TGFA: variants seen among roughly 807,000 people sequenced by gnomAD.
The protein encoded by TGFA is protransforming growth factor alpha.
Under a neutral mutation model 21.7 loss-of-function variants are expected in TGFA, and 12 were observed. That is an observed-to-expected ratio of 0.55 (90% confidence interval 0.35 to 0.90). The LOEUF (loss-of-function observed/expected upper bound fraction) is 0.90. Ranked by LOEUF, TGFA falls within the 40% of genes least tolerant of loss-of-function variation. The pLI is 0.01. For synonymous variants in TGFA, 79 were observed against 88.1 expected (o/e 0.90, Z 0.58); for missense variants, 178 against 210.8 (o/e 0.84, Z 0.96).
At chr2:70,504,465 C>CATATATATATATATAT (rs1559124076) in intron 2 of TGFA, among the ~76,000 whole-genome samples, 15 of 62,544 alleles carry the variant, frequency 2.4e-4, no homozygotes, top group Non-Finnish European at 4.9e-4. Flanking sequence ...TATATATATA[C>CATATATATATATATAT]ACACATACAT....
At chr2:70,473,811 C>T (rs1553493720) in intron 2 of TGFA, among the ~76,000 whole-genome samples, 1 of 151,906 alleles carries the variant, frequency 6.6e-6, no homozygotes, top group African/African-American at 2.4e-5. Flanking sequence ...CCTGCAGTAC[C>T]ATCATTTAAG....
chr2:70,487,469 TAC>T (rs1291959627), intron 2 of TGFA, among the ~76,000 whole-genome samples: 2 of 152,244 alleles, frequency 1.3e-5, no homozygotes, highest in Non-Finnish European at 2.9e-5. Flanking sequence ...ATATACCTTA[TAC>T]ACATATCTTG....
At chr2:70,454,785 G>A (rs1006425396) in intron 4 of TGFA, among the ~76,000 whole-genome samples, 1 of 152,242 alleles carries the variant, frequency 6.6e-6, no homozygotes, top group Admixed American at 6.5e-5. Flanking sequence ...GGACACAGGA[G>A]TTGGGACTGG....
At position 70,519,101 on chromosome 2, in the gene TGFA, G is replaced by A. The variant is rs557075228; in HGVS notation, c.41-4189C>T. 2.6e-5 allele frequency among the ~76,000 whole-genome samples: 4 copies of A among 152,288 alleles called. No homozygotes were observed. In the East Asian group the frequency reaches 7.7e-4, roughly 29 times the overall value. ...TTTGGATGAAGAACACGCTCAGGGC[G>A]GGAGGATAGGAATTGTGCTAGAGGG... On this transcript the variant is annotated intron_variant, in intron 1 of 5. Coordinates refer to ENST00000295400, the MANE Select transcript of TGFA (RefSeq NM_003236.4).
chr2:70,553,781 G>T lies in TGFA; in HGVS notation c.-14C>A, dbSNP rs1199546966. On this transcript the variant is annotated 5_prime_UTR_variant, in exon 1 of 6. Transcript: ENST00000295400. ...CGAGGGGACCATTTTACGGGCGGGCGGGCAGCAGGCTCTCCAGCCTCCTGC... is the reference window on the plus strand; with the variant it reads ...CGAGGGGACCATTTTACGGGCGGGCTGGCAGCAGGCTCTCCAGCCTCCTGC... 6 of 1,276,504 alleles carry T rather than the reference G, an allele frequency of 4.7e-6. No individual in the cohort carries two copies. Among genetic ancestry groups the T allele is most frequent in the Admixed American group, 7.8e-5 (2 of 25,546 alleles). The allele number at this position is 1,276,504 out of a possible 1,614,324, so 79.1% of individuals were successfully genotyped here.
At chr2:70,553,664 C>T in intron 1 of TGFA, 64 bp downstream of exon 1, 5 of 1,329,542 alleles carry the variant, frequency 3.8e-6, no homozygotes, top group Non-Finnish European at 4.8e-6. Context: ...AAGGGGAACT[C>T]GGCGGGGACC....
Position 70,514,840 on chromosome 2 carries a change from C to G in TGFA, c.94+19G>C. ...CCCTTCCCACACACGATCCACACACCCACGGCAGCTGCACTCACCACTCAG... is the reference window on the plus strand; with the variant it reads ...CCCTTCCCACACACGATCCACACACGCACGGCAGCTGCACTCACCACTCAG... On this transcript the variant is annotated intron_variant, in intron 2 of 5. Transcript: ENST00000295400. 1 of 1,613,598 alleles carries G rather than the reference C, an allele frequency of 6.2e-7. No individual in the cohort carries two copies. The highest frequency in any genetic ancestry group is 1.1e-5 in the South Asian group (1 of 90,952).
rs986995993 is a variant in TGFA at position 70,553,567 on chromosome 2, T to C, written c.40+161A>G. ...CGGACAGTCCCCTCTTTGTCATTCT[T>C]AATGACTCCCCTTGCCTCCCAGGCG... On this transcript the variant is annotated intron_variant, in intron 1 of 5. Transcript: ENST00000295400. 2.0e-5 allele frequency: 27 copies of C among 1,326,992 alleles called. No homozygotes were observed. In the African/African-American group the frequency reaches 3.6e-4, roughly 18 times the overall value. 82.2% of individuals were successfully genotyped at this position (1,326,992 alleles called of 1,614,324 possible). A position where few individuals can be genotyped will look rare whatever the true frequency, so the allele number is the denominator to read the frequency against.
At chr2:70,453,426 TAAACCAGCTCC>T (rs3830586) in intron 4 of TGFA, 99 bp from the exon 5 acceptor site, 78,948 of 1,013,162 alleles carry the variant, frequency 0.078, 4,200 homozygotes, top group East Asian at 0.11. Context: ...GCTCCAGCTC[TAAACCAGCTCC>T]AAACCAGCTC....
Position 70,476,109 on chromosome 2 carries a change from T to TAAAA in TGFA, c.95-10374_95-10373insTTTT, listed in dbSNP as rs1670926055. Among the ~76,000 whole-genome samples the TAAAA allele has an allele frequency of 4.5e-3, 353 of 78,414 alleles. 13 individuals are homozygous for TAAAA. Among genetic ancestry groups the TAAAA allele is most frequent in the African/African-American group, 0.016 (321 of 19,524 alleles). The allele number at this position is 78,414 out of a possible 152,430, so 51.4% of individuals were successfully genotyped here. Reference sequence around the variant, plus strand: ...AAAAAAAAAAAAAAAAAAAAAAAATTAAGAAAATTACAGGTCACGATTTTG... The same window carrying TAAAA: ...AAAAAAAAAAAAAAAAAAAAAAAATTAAAAAAGAAAATTACAGGTCACGATTTTG... On this transcript the variant is annotated intron_variant, in intron 2 of 5. Coordinates refer to ENST00000295400, the MANE Select transcript of TGFA (RefSeq NM_003236.4).
intron 2 of TGFA, among the ~76,000 whole-genome samples, chr2:70,488,279 G>A (rs1671326104): frequency 6.6e-6 from 1 of 151,956 alleles, no homozygotes; most frequent in African/African-American, 2.4e-5. Context: ...CATTATTAGA[G>A]GCCTTCCCTT....
At chr2:70,553,701 A>C in intron 1 of TGFA, 27 bp downstream of exon 1, 1 of 1,328,590 alleles carries the variant, frequency 7.5e-7, no homozygotes. Context: ...CGCGCGGCGC[A>C]GGGGGCGCCG....
chr2:70,540,209 T>A (rs1673095463), intron 1 of TGFA, among the ~76,000 whole-genome samples: 1 of 152,204 alleles, frequency 6.6e-6, no homozygotes. Context: ...GGTCTCATTA[T>A]GAGGGTTAGA....
At chr2:70,525,983 G>A (rs1249595220) in intron 1 of TGFA, among the ~76,000 whole-genome samples, 1 of 152,176 alleles carries the variant, frequency 6.6e-6, no homozygotes, top group Admixed American at 6.5e-5. Flanking sequence ...AACAGAGAAA[G>A]TCTCTTCAAC....
intron 2 of TGFA, among the ~76,000 whole-genome samples, chr2:70,485,955 C>T (rs1210662819): frequency 2.0e-5 from 3 of 152,140 alleles, no homozygotes; most frequent in African/African-American, 7.2e-5. Flanking sequence ...ATCATATTTC[C>T]TCCTCCTGGA....
intron 1 of TGFA, among the ~76,000 whole-genome samples, chr2:70,531,503 A>G (rs573220439): frequency 6.6e-6 from 1 of 152,366 alleles, no homozygotes; most frequent in South Asian, 2.1e-4. Flanking sequence ...TTAGAAACAC[A>G]TATTTTCCTC....
chr2:70,514,976 C>G, intron 1 of TGFA, 64 bp from the exon 2 acceptor site: 1 of 1,507,944 alleles, frequency 6.6e-7, no homozygotes, highest in Non-Finnish European at 9.1e-7. Flanking sequence ...TCCTCAGACG[C>G]TTAGAGGGCA....
chr2:70,515,029 C>T (rs1409952587), intron 1 of TGFA, 117 bp from the exon 2 acceptor site: 6 of 847,864 alleles, frequency 7.1e-6, no homozygotes, highest in African/African-American at 1.7e-5. Context: ...ACAGAGTGGC[C>T]GGTAGACAGG....
intron 1 of TGFA, among the ~76,000 whole-genome samples, chr2:70,520,638 C>T (rs1672419095): frequency 6.6e-6 from 1 of 152,128 alleles, no homozygotes; most frequent in African/African-American, 2.4e-5. Flanking sequence ...TTAAAATGTT[C>T]AAGTCACGTG....
Sources: allele counts gnomAD v4.1 joint callset (sites outside exome capture counted in the v4.1 genomes callset), GRCh38; gene constraint gnomAD v4.1.1; transcripts MANE v1.5; gene names NCBI Gene and HGNC (gene_info 2026-07-23, HGNC 2026-07-21).